Variants in ACYP2 observed in about 807,000 individuals in gnomAD.
The protein encoded by ACYP2 is acylphosphatase 2.
Under a neutral mutation model 11.2 loss-of-function variants are expected in ACYP2, and 12 were observed. The ratio of observed to expected loss-of-function variants is 1.08; its 90% CI spans 0.69 to 1.74. The LOEUF is 1.74. Ranked by LOEUF, ACYP2 falls within the 40% of genes most tolerant of loss-of-function variation. The probability of loss-of-function intolerance (pLI) is 0.00; values close to 1 mark genes in which losing one functional copy is unlikely to be tolerated. For missense variants in ACYP2, 134 were observed against 101.9 expected (o/e 1.31, Z -1.35); for synonymous variants, 43 against 32.2 (o/e 1.33, Z -1.13).
chr2:54,278,347 A>G (rs1330102750), intron 6 of ACYP2, among the ~76,000 whole-genome samples: 1 of 152,164 alleles, frequency 6.6e-6, no homozygotes, highest in Non-Finnish European at 1.5e-5. Flanking sequence ...GACTTACCCT[A>G]TCTTCATTTT....
chr2:54,018,151 G>A (rs886138036), intron 2 of ACYP2, among the ~76,000 whole-genome samples: 3 of 152,172 alleles, frequency 2.0e-5, no homozygotes, highest in Admixed American at 2.0e-4. Context: ...TAGCTAGGTA[G>A]CCATCTGCCT....
intron 6 of ACYP2, among the ~76,000 whole-genome samples, chr2:54,183,170 A>G (rs547562805): frequency 6.6e-6 from 1 of 152,360 alleles, no homozygotes; most frequent in East Asian, 1.9e-4. Context: ...CATACAAATC[A>G]AAATTGTAAA....
chr2:54,023,326 C>G (rs188037928), intron 2 of ACYP2, among the ~76,000 whole-genome samples: 2 of 152,122 alleles, frequency 1.3e-5, no homozygotes, highest in Admixed American at 1.3e-4. Flanking sequence ...AAATGTCACA[C>G]TAATTTTTTT....
At chr2:54,071,137 C>A (rs1281464095) in intron 4 of ACYP2, among the ~76,000 whole-genome samples, 1 of 152,146 alleles carries the variant, frequency 6.6e-6, no homozygotes, top group African/African-American at 2.4e-5. Context: ...GGAATTTTCT[C>A]AACTTAGAGA....
At chr2:54,261,822 G>A (rs910617988) in intron 6 of ACYP2, among the ~76,000 whole-genome samples, 11 of 152,216 alleles carry the variant, frequency 7.2e-5, no homozygotes, top group African/African-American at 2.4e-4. Context: ...AGAGGGAGAT[G>A]TACACTTTGC....
chr2:54,169,666 A>G (rs903400835), intron 6 of ACYP2, among the ~76,000 whole-genome samples: 1 of 152,216 alleles, frequency 6.6e-6, no homozygotes, highest in African/African-American at 2.4e-5. Context: ...TGCACAGGAA[A>G]GGCCCATGAA....
rs111264695 is a variant in ACYP2, at chr2:54,004,909, A to C, written c.62+31099A>C. 3.2e-4 allele frequency among the ~76,000 whole-genome samples: 45 copies of C among 140,372 alleles called. 1 individual carries two copies. Among genetic ancestry groups the C allele is most frequent in the African/African-American group, 4.2e-4 (16 of 37,802 alleles). The allele number at this position is 140,372 out of a possible 152,430, so 92.1% of individuals were successfully genotyped here. ...GACTCTGTCTCAAAAAAAAAAAAAA[A>C]AAAAAACAAAAGAAAGAAAAGAAAA... On this transcript the variant is annotated intron_variant, in intron 2 of 6. Transcript: ENST00000607452.
intron 6 of ACYP2, among the ~76,000 whole-genome samples, chr2:54,148,571 G>C (rs1682006223): frequency 6.6e-6 from 1 of 152,146 alleles, no homozygotes; most frequent in African/African-American, 2.4e-5. Context: ...TAGGCTCCTA[G>C]ATAAATGGGT....
chr2:54,093,942 AAAAC>A (rs145012157), intron 4 of ACYP2, among the ~76,000 whole-genome samples: 66,673 of 150,904 alleles, frequency 0.44, 14,892 homozygotes, highest in South Asian at 0.54. Context: ...TCTGTCTCAA[AAAAC>A]AAACAAACAA....
At chr2:54,220,541 T>A (rs1345417708) in intron 6 of ACYP2, among the ~76,000 whole-genome samples, 1 of 152,230 alleles carries the variant, frequency 6.6e-6, no homozygotes, top group Non-Finnish European at 1.5e-5. Context: ...AAATGACAGA[T>A]GTTTATTCAA....
intron 6 of ACYP2, among the ~76,000 whole-genome samples, chr2:54,187,760 A>T (rs112048836): frequency 6.6e-6 from 1 of 152,124 alleles, no homozygotes; most frequent in East Asian, 1.9e-4. Flanking sequence ...GCATAAGCCA[A>T]GCTCTCCTTT....
At chr2:54,299,038 C>A (rs1194781559) in intron 6 of ACYP2, among the ~76,000 whole-genome samples, 1 of 151,882 alleles carries the variant, frequency 6.6e-6, no homozygotes, top group Non-Finnish European at 1.5e-5. Context: ...CAGGTGTGAG[C>A]CACTGCACCC....
intron 4 of ACYP2, among the ~76,000 whole-genome samples, chr2:54,104,818 C>T (rs1158897797): frequency 6.6e-6 from 1 of 152,182 alleles, no homozygotes; most frequent in Non-Finnish European, 1.5e-5. Flanking sequence ...ATGGGAAGAA[C>T]ACTCCCCAAG....
intron 5 of ACYP2, among the ~76,000 whole-genome samples, chr2:54,138,030 T>C (rs1354456819): frequency 6.6e-6 from 1 of 152,200 alleles, no homozygotes; most frequent in African/African-American, 2.4e-5. Flanking sequence ...TCTCTAATGA[T>C]TGGTGATATT....
chr2:54,076,672 G>A (rs1558511735), intron 4 of ACYP2, among the ~76,000 whole-genome samples: 1 of 152,222 alleles, frequency 6.6e-6, no homozygotes, highest in Non-Finnish European at 1.5e-5. Context: ...GTGTTTTGGA[G>A]AAGGAATTTT....
At chr2:54,031,375 G>T (rs1176050230) in intron 2 of ACYP2, among the ~76,000 whole-genome samples, 5 of 149,138 alleles carry the variant, frequency 3.4e-5, no homozygotes, top group African/African-American at 1.2e-4. Flanking sequence ...AACATGCAGT[G>T]TTTGGTTTTC....
chr2:54,296,320 T>G (rs1689522981), intron 6 of ACYP2, among the ~76,000 whole-genome samples: 1 of 152,230 alleles, frequency 6.6e-6, no homozygotes, highest in South Asian at 2.1e-4. Context: ...TTACTGTATT[T>G]GATGGCTAAA....
intron 6 of ACYP2, among the ~76,000 whole-genome samples, chr2:54,183,803 T>C (rs1472853669): frequency 2.6e-5 from 4 of 152,200 alleles, no homozygotes; most frequent in Non-Finnish European, 5.9e-5. Flanking sequence ...CTTTAATCTA[T>C]TGAAAATCTT....
intron 2 of ACYP2, among the ~76,000 whole-genome samples, chr2:54,010,699 T>C (rs1406050588): frequency 6.6e-6 from 1 of 150,388 alleles, no homozygotes; most frequent in Non-Finnish European, 1.5e-5. Context: ...TTATAATCTC[T>C]CTCCTTCCTC....
Sources: allele counts gnomAD v4.1 joint callset (sites outside exome capture counted in the v4.1 genomes callset), GRCh38; gene constraint gnomAD v4.1.1; transcripts MANE v1.5; gene names NCBI Gene and HGNC (gene_info 2026-07-23, HGNC 2026-07-21).